MRPL1: variants seen among roughly 807,000 people sequenced by gnomAD.
MRPL1 encodes mitochondrial ribosomal protein L1.
In MRPL1, 28 loss-of-function variants were observed where a neutral mutation model predicts 38.0. That is an observed-to-expected ratio of 0.74 (90% confidence interval 0.55 to 1.01). MRPL1 has a LOEUF of 1.01. Among genes scored for constraint, MRPL1 ranks in the 50% least tolerant of loss-of-function variants. MRPL1 has a pLI of 0.00. For missense variants in MRPL1, 358 were observed against 389.8 expected (o/e 0.92, Z 0.69); for synonymous variants, 123 against 126.7 (o/e 0.97, Z 0.20).
At chr4:77,863,042 T>C (rs905151865) in intron 1 of MRPL1, 163 bp downstream of exon 1, 1 of 806,178 alleles carries the variant, frequency 1.2e-6, no homozygotes. Context: ...AAAGTGACCT[T>C]ATGAAGGGTT....
chr4:77,909,654 A>G (rs1378841774), intron 7 of MRPL1, among the ~76,000 whole-genome samples: 1 of 152,056 alleles, frequency 6.6e-6, no homozygotes, highest in Admixed American at 6.6e-5. Flanking sequence ...GTATTTATGT[A>G]TTATATTTTA....
chr4:77,874,009 T>G (rs1735339288), intron 2 of MRPL1, among the ~76,000 whole-genome samples: 1 of 152,002 alleles, frequency 6.6e-6, no homozygotes. Context: ...TGCTTTTTTT[T>G]TTTTTTTGAG....
chr4:77,913,805 C>G (rs1275069945), intron 7 of MRPL1, among the ~76,000 whole-genome samples: 1 of 152,210 alleles, frequency 6.6e-6, no homozygotes, highest in Non-Finnish European at 1.5e-5. Context: ...TTGATACATT[C>G]TACCATACTG....
At chr4:77,875,574 C>T (rs1735370814) in intron 2 of MRPL1, among the ~76,000 whole-genome samples, 1 of 151,826 alleles carries the variant, frequency 6.6e-6, no homozygotes, top group African/African-American at 2.4e-5. Context: ...ATTGCTTGAA[C>T]CTGGGAGGTG....
chr4:77,867,447 G>A (rs915795629), intron 1 of MRPL1, among the ~76,000 whole-genome samples: 5 of 152,202 alleles, frequency 3.3e-5, no homozygotes, highest in African/African-American at 1.2e-4. Flanking sequence ...TAGGTGCTAG[G>A]TATACAATGC....
chr4:77,913,508 G>A (rs1039323111), intron 7 of MRPL1, among the ~76,000 whole-genome samples: 1 of 152,162 alleles, frequency 6.6e-6, no homozygotes, highest in Non-Finnish European at 1.5e-5. Flanking sequence ...CTGCTGTAAG[G>A]ATGCGGTGGG....
intron 6 of MRPL1, among the ~76,000 whole-genome samples, chr4:77,904,952 G>C (rs193072145): frequency 2.0e-5 from 3 of 152,146 alleles, no homozygotes; most frequent in Admixed American, 2.0e-4. Context: ...TATTTCTTAG[G>C]ACACAAAAAG....
intron 7 of MRPL1, among the ~76,000 whole-genome samples, chr4:77,937,437 C>T (rs1409508386): frequency 6.6e-6 from 1 of 152,196 alleles, no homozygotes; most frequent in Non-Finnish European, 1.5e-5. Flanking sequence ...GTGCCTTTTC[C>T]AGGCCTAACT....
At position 77,883,177 on chromosome 4, in the gene MRPL1, C is replaced by CT. The variant is rs1342772014; in HGVS notation, c.144-56dup. ...TTTTTTTTTCTCTTATGTACACTGG[C>CT]TTTTTTTTTAAAAAAAATCTCTTAG... On this transcript the variant is annotated intron_variant, in intron 2 of 8. Transcript: ENST00000315567. 856 of 1,071,598 alleles carry CT rather than the reference C, an allele frequency of 8.0e-4. 2 individuals are homozygous for CT. Among genetic ancestry groups the CT allele is most frequent in the African/African-American group, 4.9e-3 (296 of 59,908 alleles). The allele number at this position is 1,071,598 out of a possible 1,614,324, so 66.4% of individuals were successfully genotyped here.
At chr4:77,882,258 A>G (rs1735558591) in intron 2 of MRPL1, among the ~76,000 whole-genome samples, 1 of 152,292 alleles carries the variant, frequency 6.6e-6, no homozygotes, top group Admixed American at 6.5e-5. Context: ...GTGCCTCAGT[A>G]CTTTTTATTA....
chr4:77,864,908 T>G (rs1387579681), intron 1 of MRPL1: 1 of 151,420 alleles, frequency 6.6e-6, no homozygotes. Context: ...TTTTTTTTTT[T>G]GAGAAGGAAT....
chr4:77,900,152 T>C (rs1736002410), intron 6 of MRPL1, among the ~76,000 whole-genome samples: 1 of 152,242 alleles, frequency 6.6e-6, no homozygotes, highest in African/African-American at 2.4e-5. Flanking sequence ...ATTCCTAAAG[T>C]AGCTATTCAT....
intron 1 of MRPL1, among the ~76,000 whole-genome samples, chr4:77,867,114 G>A (rs1735165107): frequency 6.6e-6 from 1 of 152,096 alleles, no homozygotes; most frequent in Non-Finnish European, 1.5e-5. Context: ...ACTTTCCACT[G>A]ATACAATCCC....
At chr4:77,878,085 C>T (rs1735443524) in intron 2 of MRPL1, among the ~76,000 whole-genome samples, 1 of 152,126 alleles carries the variant, frequency 6.6e-6, no homozygotes, top group African/African-American at 2.4e-5. Flanking sequence ...TTGTTTCTTA[C>T]CTGCTTGCCT....
At chr4:77,942,060 T>A (rs1375161026) in intron 7 of MRPL1, among the ~76,000 whole-genome samples, 9 of 152,140 alleles carry the variant, frequency 5.9e-5, no homozygotes, top group African/African-American at 2.2e-4. Flanking sequence ...CCAAAGATTT[T>A]GATAGGTTGT....
At chr4:77,895,352 A>G (rs920879131) in intron 6 of MRPL1, among the ~76,000 whole-genome samples, 1 of 152,054 alleles carries the variant, frequency 6.6e-6, no homozygotes, top group Non-Finnish European at 1.5e-5. Flanking sequence ...TTAATTGGGA[A>G]TGGAGAGGTT....
At chr4:77,922,103 T>TA (rs1189692335) in intron 7 of MRPL1, among the ~76,000 whole-genome samples, 5 of 151,816 alleles carry the variant, frequency 3.3e-5, no homozygotes, top group South Asian at 2.1e-4. Context: ...AGAAAATAAG[T>TA]AAAAAAAAGA....
At chr4:77,917,335 T>C (rs1578053440) in intron 7 of MRPL1, among the ~76,000 whole-genome samples, 1 of 152,140 alleles carries the variant, frequency 6.6e-6, no homozygotes, top group East Asian at 1.9e-4. Context: ...TAAAAGTTGA[T>C]TGTAAAATTG....
chr4:77,950,899 C>G (rs945878186), intron 8 of MRPL1, among the ~76,000 whole-genome samples: 1 of 152,200 alleles, frequency 6.6e-6, no homozygotes, highest in Non-Finnish European at 1.5e-5. Flanking sequence ...GAGACGGAGT[C>G]TCACTCTGTC....
Sources: gnomAD v4.1 joint callset for allele counts (sites outside exome capture counted in the v4.1 genomes callset) on GRCh38, gnomAD v4.1.1 for gene constraint, MANE v1.5 for transcripts, NCBI Gene and HGNC (gene_info 2026-07-23, HGNC 2026-07-21) for gene names.